Variants in HPRT1 observed in about 807,000 individuals in gnomAD.
HPRT1 encodes the protein hypoxanthine-guanine phosphoribosyltransferase.
A neutral mutation model predicts 19.0 loss-of-function variants in HPRT1; 4 were observed. That is an observed-to-expected ratio of 0.21 (90% CI 0.10 to 0.48). The LOEUF (loss-of-function observed/expected upper bound fraction) is 0.48, where lower values mean the gene tolerates loss of function less well. Among genes scored for constraint, HPRT1 ranks in the 20% least tolerant of loss-of-function variants. The pLI, the probability that HPRT1 is intolerant of heterozygous loss-of-function variation, is 0.98. For synonymous variants in HPRT1, 53 were observed against 54.9 expected (o/e 0.97, Z 0.15); for missense variants, 65 against 164.0 (o/e 0.40, Z 3.30).
chrX:134,485,445 T>C (rs1424918984), intron 3 of HPRT1, among the ~76,000 whole-genome samples: 2 of 112,222 alleles, frequency 1.8e-5, no homozygotes, highest in African/African-American at 3.2e-5. Context: ...AGTCCACTTA[T>C]GGCTTTATTT....
intron 5 of HPRT1, among the ~76,000 whole-genome samples, chrX:134,493,257 A>G (rs1346688043): frequency 9.0e-6 from 1 of 111,442 alleles, no homozygotes; most frequent in African/African-American, 3.3e-5. Flanking sequence ...ATAACTCCCT[A>G]ATAAAATGTG....
At chrX:134,470,535 A>C (rs1466056285) in intron 1 of HPRT1, among the ~76,000 whole-genome samples, 2 of 111,975 alleles carry the variant, frequency 1.8e-5, no homozygotes, top group Non-Finnish European at 3.8e-5. Flanking sequence ...AATAGGTACT[A>C]ACTGATATAT....
intron 3 of HPRT1, among the ~76,000 whole-genome samples, chrX:134,483,544 G>A (rs1453549409): frequency 9.0e-6 from 1 of 111,512 alleles, no homozygotes; most frequent in Non-Finnish European, 1.9e-5. Context: ...AGAGGAGTGA[G>A]GAGATAGGAC....
At chrX:134,466,003 C>A (rs2077596018) in intron 1 of HPRT1, among the ~76,000 whole-genome samples, 1 of 109,987 alleles carries the variant, frequency 9.1e-6, no homozygotes, top group Non-Finnish European at 1.9e-5. Flanking sequence ...CCCCCCCATA[C>A]CTTTTTTGAA....
intron 3 of HPRT1, among the ~76,000 whole-genome samples, chrX:134,477,280 C>T (rs1474803820): frequency 1.9e-5 from 2 of 107,973 alleles, no homozygotes; most frequent in Admixed American, 2.0e-4. Context: ...AGGCTGGTCT[C>T]GAACCCCTGA....
chrX:134,492,434 A>G, intron 5 of HPRT1: 1 of 314,894 alleles, frequency 3.2e-6, no homozygotes. Context: ...CCCTAGTACA[A>G]GTTAGCTGTA....
chrX:134,481,599 G>T lies in HPRT1; in HGVS notation c.319-4866G>T, dbSNP rs1473590711. Among the ~76,000 whole-genome samples the T allele has an allele frequency of 2.7e-5, 3 of 109,999 alleles. No individual in the cohort carries two copies. In the Admixed American group the frequency reaches 3.0e-4, roughly 11 times the overall value. On this transcript the variant is annotated intron_variant, in intron 3 of 8. Transcript: ENST00000298556. ...GCCCTTCTCCTATTTATTGAATCGA[G>T]ACCATAGACAGGGGTGAGAGAAAGA...
intron 6 of HPRT1, among the ~76,000 whole-genome samples, chrX:134,495,916 G>A (rs149961347): frequency 1.6e-3 from 177 of 112,301 alleles, no homozygotes; most frequent in African/African-American, 5.4e-3. Context: ...GGTTCATCTA[G>A]GTTGGGGCAT....
At chrX:134,484,589 A>G (rs142639367) in intron 3 of HPRT1, among the ~76,000 whole-genome samples, 181 of 112,459 alleles carry the variant, frequency 1.6e-3, no homozygotes, top group African/African-American at 5.5e-3. Flanking sequence ...CGCCATTGTC[A>G]CTACTCATGT....
At chrX:134,488,558 C>T (rs1349020079) in intron 4 of HPRT1, among the ~76,000 whole-genome samples, 1 of 111,662 alleles carries the variant, frequency 9.0e-6, no homozygotes, top group Non-Finnish European at 1.9e-5. Flanking sequence ...GTATTCAAGT[C>T]TCTAATACCA....
chrX:134,489,878 A>G (rs1048656310), intron 4 of HPRT1, among the ~76,000 whole-genome samples: 1 of 111,957 alleles, frequency 8.9e-6, no homozygotes, highest in Non-Finnish European at 1.9e-5. Context: ...CATTTAACAC[A>G]TGGGAAACTA....
intron 3 of HPRT1, among the ~76,000 whole-genome samples, chrX:134,486,084 C>T (rs769897326): frequency 9.0e-5 from 10 of 111,282 alleles, no homozygotes; most frequent in Non-Finnish European, 1.9e-4. Flanking sequence ...CAGAACCAGA[C>T]ACCTGTCATG....
chrX:134,492,342 A>G (rs769520206), intron 5 of HPRT1, among the ~76,000 whole-genome samples: 4 of 110,312 alleles, frequency 3.6e-5, no homozygotes, highest in African/African-American at 1.3e-4. Flanking sequence ...CTAAAGCCCC[A>G]TTTCTTTCCC....
At chrX:134,479,780 A>AT (rs1261469068) in intron 3 of HPRT1, among the ~76,000 whole-genome samples, 23 of 106,300 alleles carry the variant, frequency 2.2e-4, no homozygotes, top group African/African-American at 4.8e-4. Context: ...TAATTTTTGC[A>AT]TTTTTTTTTG....
chrX:134,471,786 G>A (rs1001477718), intron 1 of HPRT1, among the ~76,000 whole-genome samples: 3 of 110,064 alleles, frequency 2.7e-5, no homozygotes, highest in Non-Finnish European at 3.8e-5. Flanking sequence ...GACTACAGGC[G>A]CGTGCCACAT....
chrX:134,460,846 C>G (rs1331768786), intron 1 of HPRT1, among the ~76,000 whole-genome samples: 1 of 110,946 alleles, frequency 9.0e-6, no homozygotes, highest in Non-Finnish European at 1.9e-5. Flanking sequence ...TGTAGTTCAT[C>G]TTTATGGAGA....
intron 1 of HPRT1, among the ~76,000 whole-genome samples, chrX:134,470,387 C>T (rs1290565294): frequency 2.7e-5 from 3 of 111,914 alleles, no homozygotes; most frequent in African/African-American, 9.7e-5. Flanking sequence ...AATTTCTCAG[C>T]ACTGGAAACC....
Position 134,486,449 on chromosome X carries a change from T to G in HPRT1, c.319-16T>G. On this transcript the variant is annotated splice_polypyrimidine_tract_variant and intron_variant, in intron 3 of 8. Coordinates refer to ENST00000298556, the MANE Select transcript of HPRT1 (RefSeq NM_000194.3). ...TGTAGATATATATATATATAGTTTT[T>G]TTTTTTTTTAACTAGAATGACCAGT... 1 of 991,288 alleles carries G rather than the reference T, an allele frequency of 1.0e-6. No homozygotes were observed. The highest frequency in any genetic ancestry group is 1.4e-6 in the Non-Finnish European group (1 of 727,670). 81.7% of individuals were successfully genotyped at this position (991,288 alleles called of 1,213,427 possible).
rs141930301 is a variant in HPRT1 at position 134,480,959 on chromosome X, A to G, written c.319-5506A>G. On this transcript the variant is annotated intron_variant, in intron 3 of 8. Coordinates refer to ENST00000298556, the MANE Select transcript of HPRT1 (RefSeq NM_000194.3). ...TGAACATATTAAAAATGCAGAAAATATTGGAGTATTTTATTTTAAATAAAT... is the reference window on the plus strand; with the variant it reads ...TGAACATATTAAAAATGCAGAAAATGTTGGAGTATTTTATTTTAAATAAAT... Among the ~76,000 whole-genome samples the G allele has an allele frequency of 9.7e-3, 1,059 of 108,948 alleles. 10 individuals carry two copies. The highest frequency in any genetic ancestry group is 0.033 in the African/African-American group (996 of 29,954). The allele number at this position is 108,948 out of a possible 115,157, so 94.6% of individuals were successfully genotyped here.
Sources: allele counts gnomAD v4.1 joint callset (sites outside exome capture counted in the v4.1 genomes callset), GRCh38; gene constraint gnomAD v4.1.1; transcripts MANE v1.5; gene names NCBI Gene and HGNC (gene_info 2026-07-23, HGNC 2026-07-21).